GAB1: variants seen among roughly 807,000 people sequenced by gnomAD.
GAB1 encodes GRB2 associated binding protein 1, also known as GRB2-associated-binding protein 1.
In GAB1, 19 loss-of-function variants were observed where a neutral mutation model predicts 66.5. That is an observed-to-expected ratio of 0.29 (90% CI 0.20 to 0.42). GAB1 has a LOEUF of 0.42. Ranked by LOEUF, GAB1 falls within the 10% of genes least tolerant of loss-of-function variation. The pLI, the probability that GAB1 is intolerant of heterozygous loss-of-function variation, is 1.00. For synonymous variants in GAB1, 294 were observed against 301.4 expected, an observed-to-expected ratio of 0.98 and a Z score of 0.25; for missense variants, 732 against 858.5, an observed-to-expected ratio of 0.85 and a Z score of 1.84.
rs1229538109 is a variant in GAB1, at chr4:143,472,937, A to G, written c.*3748A>G. 6.6e-6 allele frequency: 1 copy of G among 152,228 alleles called. No individual in the cohort carries two copies. The highest frequency in any genetic ancestry group is 1.5e-5 in the Non-Finnish European group (1 of 68,040). 9.4% of individuals were successfully genotyped at this position (152,228 alleles called of 1,614,324 possible). ...TAAATGAATATTGTGGACATCATGG[A>G]CTTGATATGATAGAAATCAATTGTC... On this transcript the variant is annotated 3_prime_UTR_variant, in exon 10 of 10. Transcript: ENST00000262994.
At chr4:143,379,771 A>G (rs1347003757) in intron 1 of GAB1, among the ~76,000 whole-genome samples, 2 of 151,936 alleles carry the variant, frequency 1.3e-5, no homozygotes, top group African/African-American at 4.8e-5. Context: ...TATGTTTTGT[A>G]GAGACAGGAT....
At chr4:143,446,094 T>A (rs1487374813) in intron 6 of GAB1, among the ~76,000 whole-genome samples, 2 of 152,100 alleles carry the variant, frequency 1.3e-5, no homozygotes, top group African/African-American at 4.8e-5. Context: ...ATTTCCAATT[T>A]CATCCATGTC....
At chr4:143,382,395 A>G (rs1730692624) in intron 1 of GAB1, among the ~76,000 whole-genome samples, 1 of 152,246 alleles carries the variant, frequency 6.6e-6, no homozygotes, top group Non-Finnish European at 1.5e-5. Context: ...TGAAATAACA[A>G]GTGAAAGTGT....
At chr4:143,427,352 G>A (rs1198602415) in intron 2 of GAB1, among the ~76,000 whole-genome samples, 2 of 152,168 alleles carry the variant, frequency 1.3e-5, no homozygotes, top group African/African-American at 4.8e-5. Flanking sequence ...GGCAAAAGGG[G>A]CCATCATTTG....
chr4:143,398,582 G>GT (rs28925872), intron 1 of GAB1, among the ~76,000 whole-genome samples: 1 of 151,714 alleles, frequency 6.6e-6, no homozygotes, highest in East Asian at 1.9e-4. Flanking sequence ...GTTTTCTGAT[G>GT]TTTTTTTCAG....
At position 143,438,366 on chromosome 4, in the gene GAB1, C is replaced by T. The variant is rs982403764; in HGVS notation, c.961C>T (p.Arg321Ter). Reference sequence around the variant, plus strand: ...ACCTGGTAATACTTATCAGATTCCACGAACATTTCCAGAAGGAACCTTGGG... The same window carrying T: ...ACCTGGTAATACTTATCAGATTCCATGAACATTTCCAGAAGGAACCTTGGG... ...PTPGNTYQIPRTFPEGTLGQT... is the reference protein window; with the variant it reads ...PTPGNTYQIP Residue 321 changes from arginine to a stop codon, truncating the protein, a stop_gained, in exon 4 of 10, where the codon CGA becomes TGA. Transcript: ENST00000262994. LOFTEE classifies it high-confidence loss of function. The T allele has an allele frequency of 6.2e-7, 1 of 1,614,052 alleles. No individual in the cohort carries two copies.
At chr4:143,442,022 C>G (rs113978869) in intron 6 of GAB1, among the ~76,000 whole-genome samples, 1 of 152,174 alleles carries the variant, frequency 6.6e-6, no homozygotes, top group Non-Finnish European at 1.5e-5. Flanking sequence ...GGCTTTCTAT[C>G]GGATAATGCT....
At chr4:143,455,063 CG>C (rs1162571852) in intron 6 of GAB1, among the ~76,000 whole-genome samples, 1 of 152,130 alleles carries the variant, frequency 6.6e-6, no homozygotes, top group East Asian at 1.9e-4. Context: ...CACACAGGCT[CG>C]GGTAACTTTC....
At chr4:143,405,802 C>G (rs777518607) in intron 1 of GAB1, among the ~76,000 whole-genome samples, 29 of 152,118 alleles carry the variant, frequency 1.9e-4, no homozygotes, top group Non-Finnish European at 4.0e-4. Context: ...GTCAGCTTGA[C>G]CTGGCCGAGG....
chr4:143,384,008 G>T (rs1730774936), intron 1 of GAB1, among the ~76,000 whole-genome samples: 1 of 152,170 alleles, frequency 6.6e-6, no homozygotes, highest in Non-Finnish European at 1.5e-5. Context: ...AGGAGTTTGA[G>T]GCTGCAGTGA....
chr4:143,453,189 T>G (rs1005090837), intron 6 of GAB1, among the ~76,000 whole-genome samples: 1 of 152,196 alleles, frequency 6.6e-6, no homozygotes, highest in African/African-American at 2.4e-5. Context: ...CATAGTACAA[T>G]TTAGTGCAAC....
chr4:143,370,695 C>T (rs1194065293), intron 1 of GAB1, among the ~76,000 whole-genome samples: 1 of 152,122 alleles, frequency 6.6e-6, no homozygotes, highest in Non-Finnish European at 1.5e-5. Context: ...CTATCTCTCC[C>T]CGCTCCCCTG....
intron 6 of GAB1, among the ~76,000 whole-genome samples, chr4:143,454,984 T>TTAAAAGACCCTC (rs1735106456): frequency 6.6e-6 from 1 of 152,134 alleles, no homozygotes; most frequent in East Asian, 1.9e-4. Context: ...GGAATAGGTT[T>TTAAAAGACCCTC]TAAAAGACCC....
At chr4:143,388,707 G>A (rs912585989) in intron 1 of GAB1, among the ~76,000 whole-genome samples, 7 of 152,062 alleles carry the variant, frequency 4.6e-5, no homozygotes, top group East Asian at 1.9e-4. Flanking sequence ...GAGTCACTGC[G>A]CCCGGCCTAG....
intron 2 of GAB1, among the ~76,000 whole-genome samples, chr4:143,418,500 T>G (rs113132834): frequency 0.051 from 7,835 of 152,292 alleles, 273 homozygotes; most frequent in South Asian, 0.11. Context: ...AGTTTTATTA[T>G]GTGATGGATT....
intron 6 of GAB1, chr4:143,457,591 G>A: frequency 1.8e-6 from 1 of 565,930 alleles, no homozygotes; most frequent in Non-Finnish European, 2.8e-6. Flanking sequence ...ACAGGGCTCT[G>A]TTGCTTTTTT....
intron 6 of GAB1, among the ~76,000 whole-genome samples, chr4:143,458,592 A>G (rs987507083): frequency 6.6e-6 from 1 of 151,994 alleles, no homozygotes; most frequent in African/African-American, 2.4e-5. Context: ...TTCTGAAAAA[A>G]TCTCAGTCTT....
At chr4:143,448,950 C>T (rs1734731717) in intron 6 of GAB1, among the ~76,000 whole-genome samples, 4 of 152,102 alleles carry the variant, frequency 2.6e-5, no homozygotes, top group Admixed American at 2.6e-4. Context: ...TCCCTCTACA[C>T]ACTGCTTTGA....
intron 1 of GAB1, among the ~76,000 whole-genome samples, chr4:143,355,092 G>A (rs1729390746): frequency 6.6e-6 from 1 of 151,408 alleles, no homozygotes; most frequent in Admixed American, 6.6e-5. Context: ...AATACCTCAA[G>A]GAGAAGAAAA....
Sources: allele counts gnomAD v4.1 joint callset (sites outside exome capture counted in the v4.1 genomes callset), GRCh38; gene constraint gnomAD v4.1.1; transcripts MANE v1.5; gene names NCBI Gene and HGNC (gene_info 2026-07-23, HGNC 2026-07-21).